The following ARHGAP15 variants were observed in gnomAD, a reference collection of about 807,000 sequenced individuals.
ARHGAP15 encodes rho GTPase-activating protein 15.
A neutral mutation model predicts 63.7 loss-of-function variants in ARHGAP15; 51 were observed. The observed-to-expected ratio is 0.80, with a 90% CI of 0.64 to 1.01. The LOEUF (loss-of-function observed/expected upper bound fraction) is 1.01, where lower values mean the gene tolerates loss of function less well. Among genes scored for constraint, ARHGAP15 ranks in the 50% least tolerant of loss-of-function variants. ARHGAP15 has a pLI of 0.00. For synonymous variants in ARHGAP15, 191 were observed against 193.8 expected (o/e 0.99, Z 0.12); for missense variants, 560 against 564.6 (o/e 0.99, Z 0.08).
chr2:143,211,633 G>A (rs1396597976), intron 3 of ARHGAP15, among the ~76,000 whole-genome samples: 1 of 152,278 alleles, frequency 6.6e-6, no homozygotes, highest in Non-Finnish European at 1.5e-5. Flanking sequence ...AGGTCAGTCA[G>A]TCACACAGAA....
chr2:143,138,253 T>C (rs1331842425), intron 1 of ARHGAP15, among the ~76,000 whole-genome samples: 3 of 152,090 alleles, frequency 2.0e-5, no homozygotes, highest in African/African-American at 7.2e-5. Flanking sequence ...TGTATCCCCA[T>C]TTTAAAGATA....
intron 12 of ARHGAP15, among the ~76,000 whole-genome samples, chr2:143,627,585 A>T (rs1162110317): frequency 6.6e-6 from 1 of 152,202 alleles, no homozygotes; most frequent in Admixed American, 6.5e-5. Context: ...ATCATAGCTT[A>T]CATAGCCTCT....
At chr2:143,758,230 A>G (rs1686645892) in intron 13 of ARHGAP15, among the ~76,000 whole-genome samples, 1 of 151,638 alleles carries the variant, frequency 6.6e-6, no homozygotes, top group African/African-American at 2.4e-5. Context: ...TGTATTTTTT[A>G]TTTCATCTTT....
chr2:143,173,020 T>A (rs1424091209), intron 2 of ARHGAP15, among the ~76,000 whole-genome samples: 3 of 152,124 alleles, frequency 2.0e-5, no homozygotes, highest in African/African-American at 4.8e-5. Context: ...ACGATGTCAG[T>A]TGACATCCAT....
At chr2:143,492,212 A>G (rs1442999015) in intron 9 of ARHGAP15, among the ~76,000 whole-genome samples, 1 of 152,042 alleles carries the variant, frequency 6.6e-6, no homozygotes, top group Non-Finnish European at 1.5e-5. Flanking sequence ...CCAGATACTT[A>G]CAGTCAAATA....
chr2:143,373,987 T>C (rs1686694364), intron 6 of ARHGAP15, among the ~76,000 whole-genome samples: 1 of 152,184 alleles, frequency 6.6e-6, no homozygotes, highest in South Asian at 2.1e-4. Flanking sequence ...CTAAACTGTT[T>C]TCAGAAATAT....
rs552520615 is a variant in ARHGAP15 at position 143,145,720 on chromosome 2, C to A, written c.-14-9757C>A. Among the ~76,000 whole-genome samples the A allele has an allele frequency of 3.9e-5, 6 of 152,008 alleles. No homozygotes were observed. The South Asian group carries it at 1.2e-3, about 32-fold the overall frequency. ...CACTGTCAGCATCTTTCAAACTGAACCTTTCGTCACCACGTGTGGCTAGGA... is the reference window on the plus strand; with the variant it reads ...CACTGTCAGCATCTTTCAAACTGAAACTTTCGTCACCACGTGTGGCTAGGA... On this transcript the variant is annotated intron_variant, in intron 1 of 13. Coordinates refer to ENST00000295095, the MANE Select transcript of ARHGAP15 (RefSeq NM_018460.4).
intron 13 of ARHGAP15, among the ~76,000 whole-genome samples, chr2:143,712,363 C>T (rs955924512): frequency 1.3e-5 from 2 of 152,162 alleles, no homozygotes; most frequent in African/African-American, 4.8e-5. Context: ...CATAATGTGA[C>T]TTGCTCATTG....
At position 143,250,068 on chromosome 2, in the gene ARHGAP15, CTG is replaced by C. The variant is rs528012754; in HGVS notation, c.385-441_385-440del. ...CTACTATAGTCGCAAAACTAAAACT[CTG>C]TAACAGTTTTTTGCATTGCACTATG... On this transcript the variant is annotated intron_variant, in intron 5 of 13. Transcript: ENST00000295095. 2.8e-3 allele frequency among the ~76,000 whole-genome samples: 430 copies of C among 152,172 alleles called. 3 individuals are homozygous for C. Among genetic ancestry groups the C allele is most frequent in the African/African-American group, 1.0e-2 (414 of 41,564 alleles).
chr2:143,385,222 A>T (rs933862158), intron 6 of ARHGAP15, among the ~76,000 whole-genome samples: 7 of 152,138 alleles, frequency 4.6e-5, no homozygotes, highest in African/African-American at 1.7e-4. Context: ...GAGTTGACAC[A>T]TGCAGTTATT....
chr2:143,251,758 G>T (rs1043051755), intron 6 of ARHGAP15, among the ~76,000 whole-genome samples: 2 of 151,974 alleles, frequency 1.3e-5, no homozygotes, highest in African/African-American at 4.8e-5. Flanking sequence ...AGAGAGAAAA[G>T]ATAGAAGAAA....
intron 2 of ARHGAP15, among the ~76,000 whole-genome samples, chr2:143,178,438 G>A (rs1343260107): frequency 6.6e-6 from 1 of 151,994 alleles, no homozygotes; most frequent in Non-Finnish European, 1.5e-5. Context: ...AAAATCTAAG[G>A]CTTATCAGAA....
At chr2:143,382,278 G>A (rs1687092752) in intron 6 of ARHGAP15, among the ~76,000 whole-genome samples, 1 of 152,160 alleles carries the variant, frequency 6.6e-6, no homozygotes, top group African/African-American at 2.4e-5. Flanking sequence ...CTGTTTTGGA[G>A]GCTAGACATC....
intron 11 of ARHGAP15, among the ~76,000 whole-genome samples, chr2:143,590,949 C>CTT (rs1319225586): frequency 6.6e-6 from 1 of 151,872 alleles, no homozygotes; most frequent in Non-Finnish European, 1.5e-5. Context: ...TTTGCTCTCT[C>CTT]TCTCTCTCTT....
intron 10 of ARHGAP15, among the ~76,000 whole-genome samples, chr2:143,522,866 A>G (rs1694114056): frequency 6.6e-6 from 1 of 152,198 alleles, no homozygotes; most frequent in East Asian, 1.9e-4. Context: ...ACTATGTTAT[A>G]GAACACTTTG....
intron 1 of ARHGAP15, among the ~76,000 whole-genome samples, chr2:143,141,848 A>G (rs1444859071): frequency 6.6e-6 from 1 of 152,078 alleles, no homozygotes; most frequent in Admixed American, 6.6e-5. Flanking sequence ...CAGAGGAGCA[A>G]TGTTCCTAGG....
intron 8 of ARHGAP15, among the ~76,000 whole-genome samples, chr2:143,446,227 ATG>A (rs1451670740): frequency 5.3e-5 from 8 of 151,020 alleles, no homozygotes; most frequent in Admixed American, 5.3e-4. Flanking sequence ...TCTAGAGAAA[ATG>A]TATATAGTGG....
intron 6 of ARHGAP15, among the ~76,000 whole-genome samples, chr2:143,334,818 G>A (rs185380451): frequency 1.4e-4 from 21 of 152,324 alleles, no homozygotes; most frequent in Admixed American, 9.1e-4. Context: ...ACAGCCAGGC[G>A]TGGTGGCTCA....
chr2:143,207,100 T>C (rs1185226058), intron 3 of ARHGAP15, among the ~76,000 whole-genome samples: 3 of 151,848 alleles, frequency 2.0e-5, no homozygotes, highest in East Asian at 1.9e-4. Flanking sequence ...TATGCCACTA[T>C]ATCAAGCATA....
Sources: allele counts gnomAD v4.1 joint callset (sites outside exome capture counted in the v4.1 genomes callset), GRCh38; gene constraint gnomAD v4.1.1; transcripts MANE v1.5; gene names NCBI Gene and HGNC (gene_info 2026-07-23, HGNC 2026-07-21).